The following ADAM29 variants were observed in gnomAD, a reference collection of about 807,000 sequenced individuals.
The protein encoded by ADAM29 is disintegrin and metalloproteinase domain-containing protein 29.
For synonymous variants in ADAM29, 367 were observed against 342.3 expected (o/e 1.07, Z -0.80); for missense variants, 969 against 1,001.8 (o/e 0.97, Z 0.44).
intron 4 of ADAM29, among the ~76,000 whole-genome samples, chr4:174,964,236 TA>T (rs1344739812): frequency 4.6e-5 from 7 of 151,856 alleles, no homozygotes; most frequent in Non-Finnish European, 8.8e-5. Context: ...CCAGTGTCCT[TA>T]TAAGAAGAGA....
At chr4:174,949,710 G>A (rs889804761) in intron 4 of ADAM29, among the ~76,000 whole-genome samples, 12 of 151,962 alleles carry the variant, frequency 7.9e-5, no homozygotes, top group African/African-American at 2.4e-4. Context: ...CCTGGCTGCA[G>A]CTAGTCAGCC....
chr4:174,959,050 C>A (rs1213758952), intron 4 of ADAM29, among the ~76,000 whole-genome samples: 2 of 151,818 alleles, frequency 1.3e-5, no homozygotes, highest in Non-Finnish European at 3.0e-5. Context: ...AAATATTTCA[C>A]TTTATTCCTT....
At chr4:174,927,498 C>T (rs568045038) in intron 2 of ADAM29, among the ~76,000 whole-genome samples, 8 of 152,224 alleles carry the variant, frequency 5.3e-5, no homozygotes, top group South Asian at 2.1e-4. Flanking sequence ...GTTTTCACCA[C>T]GTCAATTCTG....
chr4:174,932,475 G>A (rs911970995), intron 3 of ADAM29, among the ~76,000 whole-genome samples: 1 of 152,080 alleles, frequency 6.6e-6, no homozygotes, highest in Non-Finnish European at 1.5e-5. Flanking sequence ...TAGCAAGGAA[G>A]GCCTCACAAG....
At chr4:174,936,840 C>T (rs1010629834) in intron 3 of ADAM29, 93 bp from the exon 4 acceptor site, 1 of 151,780 alleles carries the variant, frequency 6.6e-6, no homozygotes, top group Non-Finnish European at 1.5e-5. Flanking sequence ...TGATCTCGTT[C>T]AGTTTAAAAG....
chr4:174,976,993 AGG>A lies in ADAM29; in HGVS notation c.1471_1472del (p.Gly491LeufsTer4), dbSNP rs1459684625. On this transcript the variant is annotated frameshift_variant, in exon 5 of 5. Transcript: ENST00000359240. LOFTEE classifies it low-confidence loss of function (END_TRUNC). ...GGAAGATGGAATTCCCTGTAAGGAG[AGG>A]GGCTACTGCTATGAAAAGAGCTGTC... ...YVEDGIPCKE[R>X]GYCYEKSCHD... 1.2e-5 allele frequency: 19 copies of A among 1,613,980 alleles called. No homozygotes were observed. Among genetic ancestry groups the A allele is most frequent in the Non-Finnish European group, 1.5e-5 (18 of 1,180,024 alleles).
chr4:174,954,943 CACTT>C (rs1345740216), intron 4 of ADAM29, among the ~76,000 whole-genome samples: 1 of 152,012 alleles, frequency 6.6e-6, no homozygotes, highest in Non-Finnish European at 1.5e-5. Flanking sequence ...TTTTTATAAT[CACTT>C]AATATATGAC....
intron 4 of ADAM29, among the ~76,000 whole-genome samples, chr4:174,960,442 A>T (rs953095678): frequency 6.6e-6 from 1 of 152,114 alleles, no homozygotes; most frequent in African/African-American, 2.4e-5. Flanking sequence ...TCAGTTTTTT[A>T]AAAAGTATTT....
rs1220893689 is a variant in ADAM29, at chr4:174,977,861, C to T, written c.2336C>T (p.Pro779Leu). 3 of 1,587,046 alleles carry T rather than the reference C, an allele frequency of 1.9e-6. No homozygotes were observed. The highest frequency in any genetic ancestry group is 1.4e-5 in the African/African-American group (1 of 71,684). Residue 779 changes from proline to leucine, a missense_variant, in exon 5 of 5, where the codon CCT (proline) becomes CTT (leucine). Transcript: ENST00000359240. ...CGGGTGATGCCTTCTCAGAGTCAAC[C>T]TCCTGTGATGCCTTCCCAGAGTCAT... ...QPRVMPSQSQ[P>L]PVMPSQSHPQ...
Position 174,931,133 on chromosome 4 carries a change from CTT to C in ADAM29, c.-301_-300del, listed in dbSNP as rs1029376697. 2 of 152,198 alleles carry C rather than the reference CTT, an allele frequency of 1.3e-5. No homozygotes were observed. The highest frequency in any genetic ancestry group is 6.5e-5 in the Admixed American group (1 of 15,272). 9.4% of individuals were successfully genotyped at this position (152,198 alleles called of 1,614,324 possible). On this transcript the variant is annotated 5_prime_UTR_variant, in exon 3 of 5. Transcript: ENST00000359240. Reference sequence around the variant, plus strand: ...TTTGATTGAGCCCCCATCCAGTCCTCTTTGCGTGGAATCAGACCTCTTTTGCA... The same window carrying C: ...TTTGATTGAGCCCCCATCCAGTCCTCTGCGTGGAATCAGACCTCTTTTGCA...
intron 4 of ADAM29, among the ~76,000 whole-genome samples, chr4:174,944,183 G>A (rs1744706083): frequency 6.6e-6 from 1 of 151,872 alleles, no homozygotes; most frequent in African/African-American, 2.4e-5. Context: ...GAAATCATGA[G>A]ATACAGCTAA....
rs1659579924 is a variant in ADAM29, at chr4:174,976,458, T to C, written c.933T>C (p.Arg311=). 6.2e-7 allele frequency: 1 copy of C among 1,609,844 alleles called. No homozygotes were observed. Among genetic ancestry groups the C allele is most frequent in the African/African-American group, 1.3e-5 (1 of 74,860 alleles). ...TTAGAGGAATGTGTACACCACACCG[T>C]AGTTGTGCAATTGTTACTTTCATGA... ...GAFRGMCTPH[R]SCAIVTFMNK... is the part of the protein sequence containing the mutation. The change falls in exon 5 of 5, where the codon CGT becomes CGC. Residue 311 remains arginine, a synonymous_variant. Transcript: ENST00000359240.
intron 2 of ADAM29, among the ~76,000 whole-genome samples, chr4:174,922,160 G>T (rs1275423756): frequency 6.6e-6 from 1 of 152,098 alleles, no homozygotes; most frequent in African/African-American, 2.4e-5. Context: ...TCTGTCACCA[G>T]GAACATTAAT....
chr4:174,941,169 T>G (rs1024425776), intron 4 of ADAM29, among the ~76,000 whole-genome samples: 4 of 152,222 alleles, frequency 2.6e-5, no homozygotes, highest in Admixed American at 2.6e-4. Context: ...AATTTCATTC[T>G]GGTCCACCTA....
Position 174,975,343 on chromosome 4 carries a change from T to C in ADAM29, c.-180-3T>C, listed in dbSNP as rs113042078. On this transcript the variant is annotated splice_polypyrimidine_tract_variant and splice_region_variant and intron_variant, in intron 4 of 4. Transcript: ENST00000359240. ...CACATGCTGCTTTTTGTTTTACTTA[T>C]AGTGCTGCAGCTCTGATGGTTCAAC... 31 of 441,786 alleles carry C rather than the reference T, an allele frequency of 7.0e-5. No homozygotes were observed. Among genetic ancestry groups the C allele is most frequent in the African/African-American group, 5.8e-4 (29 of 49,642 alleles). 27.4% of individuals were successfully genotyped at this position (441,786 alleles called of 1,614,324 possible). A position where few individuals can be genotyped will look rare whatever the true frequency, so the allele number is the denominator to read the frequency against.
chr4:174,930,668 T>C (rs752507044), intron 2 of ADAM29, among the ~76,000 whole-genome samples: 1 of 152,206 alleles, frequency 6.6e-6, no homozygotes, highest in Non-Finnish European at 1.5e-5. Context: ...GCCAACTCTT[T>C]TTTTTAAATG....
At chr4:174,927,934 C>T (rs1337665372) in intron 2 of ADAM29, among the ~76,000 whole-genome samples, 1 of 152,120 alleles carries the variant, frequency 6.6e-6, no homozygotes, top group Non-Finnish European at 1.5e-5. Flanking sequence ...AGACTTAATC[C>T]TTTCTGAGCC....
chr4:174,958,173 G>T (rs899762640), intron 4 of ADAM29, among the ~76,000 whole-genome samples: 1 of 151,498 alleles, frequency 6.6e-6, no homozygotes, highest in Admixed American at 6.6e-5. Flanking sequence ...TGATAAAATG[G>T]ATCAATACTG....
In ADAM29 at chr4:174,931,052, T is replaced by C. The variant is rs986554191; in HGVS notation, c.-384T>C. 5.3e-5 allele frequency: 8 copies of C among 152,180 alleles called. No individual in the cohort carries two copies. The highest frequency in any genetic ancestry group is 3.2e-3 in the Middle Eastern group (1 of 316). The allele number at this position is 152,180 out of a possible 1,614,324, so 9.4% of individuals were successfully genotyped here. ...GAACAAAAACTGAAGTGAAAACTCA[T>C]AGTGCATAACTCGTCAATACTCCTG... On this transcript the variant is annotated 5_prime_UTR_variant, in exon 3 of 5. Coordinates refer to ENST00000359240, the MANE Select transcript of ADAM29 (RefSeq NM_014269.4).
Sources: gnomAD v4.1 joint callset for allele counts (sites outside exome capture counted in the v4.1 genomes callset) on GRCh38, gnomAD v4.1.1 for gene constraint, MANE v1.5 for transcripts, NCBI Gene and HGNC (gene_info 2026-07-23, HGNC 2026-07-21) for gene names.